Variants in FIP1L1 observed in about 807,000 individuals in gnomAD.
The protein encoded by FIP1L1 is factor interacting with PAPOLA and CPSF1.
A neutral mutation model predicts 84.6 loss-of-function variants in FIP1L1; 21 were observed. That is an observed-to-expected ratio of 0.25 (90% CI 0.18 to 0.36). The LOEUF is 0.36. FIP1L1 is among the 10% of genes least tolerant of loss of function. The pLI is 1.00. For missense variants in FIP1L1, 526 were observed against 751.1 expected (o/e 0.70, Z 3.50); for synonymous variants, 263 against 242.3 (o/e 1.09, Z -0.80).
chr4:53,379,075 C>T lies in FIP1L1; in HGVS notation c.88C>T (p.Pro30Ser). ...DEEEEWLYGG[P>S]WDVHVHSDLA... ...TCTAACTTTGGATGTGCTTATAGGC[C>T]CATGGGACGTGCATGTGCACAGTGA... is the stretch of plus-strand genomic sequence containing the variant. Residue 30 changes from proline (P) to serine (S), a missense_variant and splice_region_variant, in exon 2 of 18, where the codon CCA (proline) becomes TCA (serine). By Grantham distance (74) the Pro-to-Ser change is moderately conservative. This residue lies in a region of FIP1L1 where 100 missense variants were observed against 107.2 expected (regional missense o/e 0.93). Coordinates refer to ENST00000337488, the MANE Select transcript of FIP1L1 (RefSeq NM_030917.4). 1 of 1,613,824 alleles carries T rather than the reference C, an allele frequency of 6.2e-7. No homozygotes were observed. Among genetic ancestry groups the T allele is most frequent in the Non-Finnish European group, 8.5e-7 (1 of 1,179,920 alleles).
intron 9 of FIP1L1, among the ~76,000 whole-genome samples, chr4:53,398,247 C>T (rs1283903115): frequency 3.3e-5 from 5 of 152,180 alleles, no homozygotes; most frequent in East Asian, 1.9e-4. Context: ...CCATTTCTTT[C>T]TGTTCCCATT....
At chr4:53,414,223 G>A (rs1320724833) in intron 10 of FIP1L1, among the ~76,000 whole-genome samples, 1 of 152,078 alleles carries the variant, frequency 6.6e-6, no homozygotes, top group Non-Finnish European at 1.5e-5. Context: ...CATTGTTGAA[G>A]AATATAGGGA....
intron 14 of FIP1L1, among the ~76,000 whole-genome samples, chr4:53,443,557 C>G (rs1430332053): frequency 6.6e-6 from 1 of 152,032 alleles, no homozygotes; most frequent in Non-Finnish European, 1.5e-5. Flanking sequence ...ATATGATTTT[C>G]AGAGGAAACT....
At chr4:53,383,126 T>G (rs1258765357) in intron 4 of FIP1L1, among the ~76,000 whole-genome samples, 1 of 152,166 alleles carries the variant, frequency 6.6e-6, no homozygotes, top group Non-Finnish European at 1.5e-5. Context: ...TCTCAAATAC[T>G]TATTTTTTAT....
Position 53,453,149 on chromosome 4 carries a change from A to T in FIP1L1, c.1499+16A>T. 1.2e-6 allele frequency: 2 copies of T among 1,613,820 alleles called. No homozygotes were observed. The highest frequency in any genetic ancestry group is 1.7e-6 in the Non-Finnish European group (2 of 1,179,842). The stretch of plus-strand genomic sequence containing the variant: ...TTTTCAACAGGTTTGTTGGGTGTGC[A>T]GGAGTTTATACTATGTATTTTATAA... On this transcript the variant is annotated intron_variant, in intron 16 of 17. Coordinates refer to ENST00000337488, the MANE Select transcript of FIP1L1 (RefSeq NM_030917.4).
chr4:53,455,190 T>A (rs893669868), intron 16 of FIP1L1, among the ~76,000 whole-genome samples: 5 of 152,318 alleles, frequency 3.3e-5, no homozygotes, highest in Admixed American at 6.5e-5. Context: ...ACTAAAACTT[T>A]CTCCATATCA....
intron 13 of FIP1L1, chr4:53,440,817 A>G (rs1318918493): frequency 2.0e-6 from 1 of 498,526 alleles, no homozygotes; most frequent in Non-Finnish European, 3.6e-6. Flanking sequence ...TTCTGTAGAA[A>G]TAGAGATTCT....
At chr4:53,413,816 A>G (rs1272331421) in intron 10 of FIP1L1, among the ~76,000 whole-genome samples, 2 of 152,092 alleles carry the variant, frequency 1.3e-5, no homozygotes, top group African/African-American at 4.8e-5. Context: ...TTTTTTGCAT[A>G]TGTAAAACAT....
At chr4:53,427,262 A>G (rs1764699174) in intron 12 of FIP1L1, among the ~76,000 whole-genome samples, 1 of 152,226 alleles carries the variant, frequency 6.6e-6, no homozygotes. Context: ...TAAATTAAAT[A>G]TACAACATTA....
rs1196197456 is a variant in FIP1L1 at position 53,389,877 on chromosome 4, A to G, written c.397+4A>G. 1.6e-5 allele frequency: 25 copies of G among 1,597,362 alleles called. No homozygotes were observed. The highest frequency in any genetic ancestry group is 2.1e-5 in the Non-Finnish European group (25 of 1,173,110). On this transcript the variant is annotated splice_donor_region_variant and intron_variant, in intron 6 of 17. Coordinates refer to ENST00000337488, the MANE Select transcript of FIP1L1 (RefSeq NM_030917.4). ...GGAAGAGTTTATGGAACTACAGGTA[A>G]AATTTGTATTTTCTGTTGCATCAAT...
intron 10 of FIP1L1, among the ~76,000 whole-genome samples, chr4:53,410,540 C>T (rs569093852): frequency 3.3e-5 from 5 of 152,244 alleles, no homozygotes; most frequent in Admixed American, 6.5e-5. Flanking sequence ...CTTTATGACC[C>T]ATTTTGAACT....
chr4:53,391,422 T>A lies in FIP1L1; in HGVS notation c.637-8T>A, dbSNP rs767018423. 1 of 1,609,888 alleles carries A rather than the reference T, an allele frequency of 6.2e-7. No homozygotes were observed. Among genetic ancestry groups the A allele is most frequent in the East Asian group, 2.2e-5 (1 of 44,824 alleles). ...GTATCTTAATGGGGAATATGTTATT[T>A]AACTTAGGCCGAAGACTGTACTATG... On this transcript the variant is annotated splice_region_variant and splice_polypyrimidine_tract_variant and intron_variant, in intron 8 of 17. Coordinates refer to ENST00000337488, the MANE Select transcript of FIP1L1 (RefSeq NM_030917.4).
In FIP1L1 at chr4:53,460,812, T is replaced by C; in HGVS notation, c.*1363T>C. 1 of 1,229,680 alleles carries C rather than the reference T, an allele frequency of 8.1e-7. No homozygotes were observed. The highest frequency in any genetic ancestry group is 1.1e-6 in the Non-Finnish European group (1 of 873,518). 76.2% of individuals were successfully genotyped at this position (1,229,680 alleles called of 1,614,324 possible). The stretch of plus-strand genomic sequence containing the variant: ...TTCCTGACATTTTTACAATGTATTC[T>C]TTCTTTAAATATAAAAACTGACAAG... On this transcript the variant is annotated 3_prime_UTR_variant, in exon 18 of 18. Transcript: ENST00000337488.
intron 15 of FIP1L1, among the ~76,000 whole-genome samples, chr4:53,449,506 T>C (rs1367684967): frequency 1.3e-5 from 2 of 152,206 alleles, no homozygotes; most frequent in African/African-American, 4.8e-5. Flanking sequence ...AGATAAACAC[T>C]GATAATGTGT....
chr4:53,441,353 A>G (rs1771852150), intron 13 of FIP1L1, among the ~76,000 whole-genome samples: 1 of 151,924 alleles, frequency 6.6e-6, no homozygotes, highest in Non-Finnish European at 1.5e-5. Flanking sequence ...AAGTTTAGGT[A>G]GCATAGTACA....
At chr4:53,402,067 A>G (rs1750529346) in intron 10 of FIP1L1, among the ~76,000 whole-genome samples, 2 of 152,172 alleles carry the variant, frequency 1.3e-5, no homozygotes, top group Admixed American at 6.5e-5. Context: ...GAAGTAGGAA[A>G]AAAACCCACT....
chr4:53,379,407 G>A, intron 3 of FIP1L1, 143 bp downstream of exon 3: 1 of 765,312 alleles, frequency 1.3e-6, no homozygotes, highest in Non-Finnish European at 2.1e-6. Flanking sequence ...AATCCTTTAA[G>A]GATTATTCCA....
chr4:53,381,868 A>C (rs536195541), intron 3 of FIP1L1, among the ~76,000 whole-genome samples: 1 of 147,920 alleles, frequency 6.8e-6, no homozygotes, highest in East Asian at 2.0e-4. Context: ...GGTTCAAGCA[A>C]TTGTCTGCTT....
chr4:53,407,877 T>C (rs1384061554), intron 10 of FIP1L1, among the ~76,000 whole-genome samples: 8 of 152,236 alleles, frequency 5.3e-5, no homozygotes, highest in East Asian at 1.9e-4. Flanking sequence ...TTATTTTGAG[T>C]CTATGTGTGT....
Sources: gnomAD v4.1 joint callset for allele counts (sites outside exome capture counted in the v4.1 genomes callset) on GRCh38, gnomAD v4.1.1 for gene constraint, gnomAD v4.1.1 regional missense constraint, MANE v1.5 for transcripts, NCBI Gene and HGNC (gene_info 2026-07-23, HGNC 2026-07-21) for gene names.